Variants in FHIT observed in about 807,000 individuals in gnomAD.
The protein encoded by FHIT is bis(5'-adenosyl)-triphosphatase.
Under a neutral mutation model 17.9 loss-of-function variants are expected in FHIT, and 19 were observed. The observed-to-expected ratio is 1.06, with a 90% CI of 0.74 to 1.56. The LOEUF (loss-of-function observed/expected upper bound fraction) is 1.56. Ranked by LOEUF, FHIT falls within the 40% of genes most tolerant of loss-of-function variation. FHIT has a pLI of 0.00. For synonymous variants in FHIT, 81 were observed against 69.7 expected (o/e 1.16, Z -0.81); for missense variants, 248 against 189.2 (o/e 1.31, Z -1.82).
intron 8 of FHIT, among the ~76,000 whole-genome samples, chr3:59,761,676 G>A (rs1200864475): frequency 4.0e-5 from 6 of 151,128 alleles, no homozygotes; most frequent in Non-Finnish European, 7.4e-5. Flanking sequence ...GCATGATCTC[G>A]GCTCACTGCA....
intron 5 of FHIT, among the ~76,000 whole-genome samples, chr3:60,225,372 A>T (rs1704148634): frequency 6.6e-6 from 1 of 152,226 alleles, no homozygotes; most frequent in Admixed American, 6.5e-5. Flanking sequence ...GAGAGTTGTG[A>T]GATCAATGAT....
intron 5 of FHIT, among the ~76,000 whole-genome samples, chr3:60,416,807 C>T (rs978691980): frequency 6.6e-6 from 1 of 152,014 alleles, no homozygotes; most frequent in Non-Finnish European, 1.5e-5. Context: ...TGAGAACAGG[C>T]CGGGTGCGGC....
At chr3:59,932,983 C>T (rs1706050829) in intron 7 of FHIT, among the ~76,000 whole-genome samples, 1 of 152,140 alleles carries the variant, frequency 6.6e-6, no homozygotes, top group South Asian at 2.1e-4. Context: ...TCCTTGACCA[C>T]TTCCAAAGGG....
intron 5 of FHIT, among the ~76,000 whole-genome samples, chr3:60,132,385 T>G (rs1180992502): frequency 6.6e-6 from 1 of 152,120 alleles, no homozygotes; most frequent in East Asian, 1.9e-4. Flanking sequence ...GTTAAACGAA[T>G]GAACATATGA....
chr3:60,161,657 T>C (rs1468679123), intron 5 of FHIT, among the ~76,000 whole-genome samples: 1 of 151,750 alleles, frequency 6.6e-6, no homozygotes, highest in Admixed American at 6.6e-5. Context: ...TCGAGGTAGG[T>C]AACTCAGGAG....
intron 8 of FHIT, among the ~76,000 whole-genome samples, chr3:59,879,229 T>C (rs983542981): frequency 6.6e-6 from 1 of 152,204 alleles, no homozygotes; most frequent in Non-Finnish European, 1.5e-5. Flanking sequence ...ATACTTGTTA[T>C]CATGAAAAAT....
Position 60,818,767 on chromosome 3 carries a change from T to C in FHIT, c.-18+3152A>G, listed in dbSNP as rs797029959. Among the ~76,000 whole-genome samples the C allele has an allele frequency of 3.3e-5, 5 of 152,334 alleles. 1 individual carries two copies. Among genetic ancestry groups the C allele is most frequent in the African/African-American group, 1.2e-4 (5 of 41,584 alleles). On this transcript the variant is annotated intron_variant, in intron 4 of 9. Transcript: ENST00000492590. Reference sequence around the variant, plus strand: ...TCTGCCTCTCTTCTTTCCAAGATTCTGAATTCATTTTCCTGTGGCTATGAT... The same window carrying C: ...TCTGCCTCTCTTCTTTCCAAGATTCCGAATTCATTTTCCTGTGGCTATGAT...
At chr3:60,467,260 GATTTGTCA>G (rs1249532727) in intron 5 of FHIT, among the ~76,000 whole-genome samples, 8 of 151,178 alleles carry the variant, frequency 5.3e-5, no homozygotes, top group African/African-American at 1.9e-4. Context: ...TTTTTCTGAA[GATTTGTCA>G]ATTTGATTTC....
At chr3:61,069,087 CTTT>C (rs1427875218) in intron 2 of FHIT, among the ~76,000 whole-genome samples, 1 of 152,028 alleles carries the variant, frequency 6.6e-6, no homozygotes, top group Non-Finnish European at 1.5e-5. Context: ...ACAGGTTTTT[CTTT>C]TTTATTTTTT....
At chr3:60,552,857 C>T (rs1044000537) in intron 4 of FHIT, among the ~76,000 whole-genome samples, 2 of 152,162 alleles carry the variant, frequency 1.3e-5, no homozygotes, top group Admixed American at 6.5e-5. Context: ...GGGCCAGTGT[C>T]TGTGTGAAAT....
intron 3 of FHIT, among the ~76,000 whole-genome samples, chr3:61,017,821 C>G (rs1172532564): frequency 6.6e-6 from 1 of 152,010 alleles, no homozygotes; most frequent in African/African-American, 2.4e-5. Flanking sequence ...TCAGCTGATA[C>G]AGAAATGGAA....
At chr3:60,030,711 G>T (rs1700963388) in intron 5 of FHIT, among the ~76,000 whole-genome samples, 1 of 152,222 alleles carries the variant, frequency 6.6e-6, no homozygotes, top group African/African-American at 2.4e-5. Flanking sequence ...TGAATTGGTG[G>T]GTCAATGGAT....
In FHIT at chr3:60,093,905, G is replaced by C. The variant is rs528301436; in HGVS notation, c.104-79753C>G. Among the ~76,000 whole-genome samples, 182 of 152,220 alleles carry C rather than the reference G, an allele frequency of 1.2e-3. 4 individuals are homozygous for C. In the South Asian group the frequency reaches 0.036, roughly 30 times the overall value. ...TATATTGCCTACTACAGGCATCAAT[G>C]TTTCAAATTTACTTAAAAATCTGTT... is the stretch of plus-strand genomic sequence containing the variant. On this transcript the variant is annotated intron_variant, in intron 5 of 9. Coordinates refer to ENST00000492590, the MANE Select transcript of FHIT (RefSeq NM_002012.4).
Position 60,004,040 on chromosome 3 carries a change from T to C in FHIT, c.279+7331A>G, listed in dbSNP as rs75971973. On this transcript the variant is annotated intron_variant, in intron 7 of 9. Transcript: ENST00000492590. The stretch of plus-strand genomic sequence containing the variant: ...GGCAGAGTAGTGCTCCTTCAATGAT[T>C]AGTTATTGAGCACTAGTATCCTATA... Among the ~76,000 whole-genome samples the C allele has an allele frequency of 7.4e-4, 113 of 152,188 alleles. 1 individual carries two copies. The East Asian group carries it at 0.021, about 28-fold the overall frequency.
chr3:61,111,007 C>T (rs1034374078), intron 2 of FHIT, among the ~76,000 whole-genome samples: 7 of 152,102 alleles, frequency 4.6e-5, no homozygotes, highest in African/African-American at 9.7e-5. Context: ...CTATGGCCCC[C>T]GAAACAAACA....
intron 1 of FHIT, among the ~76,000 whole-genome samples, chr3:61,215,802 G>A (rs1281904681): frequency 6.6e-6 from 1 of 152,180 alleles, no homozygotes; most frequent in East Asian, 1.9e-4. Context: ...CAGAGATATA[G>A]ATCAATGGAA....
At chr3:59,925,481 T>C (rs946391552) in intron 7 of FHIT, among the ~76,000 whole-genome samples, 1 of 152,164 alleles carries the variant, frequency 6.6e-6, no homozygotes, top group East Asian at 1.9e-4. Flanking sequence ...CTCAGGAATA[T>C]GCCTGTTAGT....
At chr3:60,546,032 C>G (rs1353994000) in intron 4 of FHIT, among the ~76,000 whole-genome samples, 2 of 152,044 alleles carry the variant, frequency 1.3e-5, no homozygotes, top group Admixed American at 6.6e-5. Context: ...CTTCTTATTC[C>G]TTTTTCTTCT....
At chr3:60,577,770 G>T (rs1010809909) in intron 4 of FHIT, among the ~76,000 whole-genome samples, 1 of 152,122 alleles carries the variant, frequency 6.6e-6, no homozygotes, top group African/African-American at 2.4e-5. Flanking sequence ...GAGATGCTCT[G>T]TCTTAAGGAA....
Sources: gnomAD v4.1 joint callset for allele counts (sites outside exome capture counted in the v4.1 genomes callset) on GRCh38, gnomAD v4.1.1 for gene constraint, MANE v1.5 for transcripts, NCBI Gene and HGNC (gene_info 2026-07-23, HGNC 2026-07-21) for gene names.